The following AGAP1 variants were observed in gnomAD, a reference collection of about 807,000 sequenced individuals.
The protein encoded by AGAP1 is ArfGAP with GTPase domain, ankyrin repeat and PH domain 1, also known as arf-GAP with GTPase, ANK repeat and PH domain-containing protein 1.
Under a neutral mutation model 105.3 loss-of-function variants are expected in AGAP1, and 29 were observed. That is an observed-to-expected ratio of 0.28 (90% CI 0.21 to 0.38). The LOEUF is 0.38. Ranked by LOEUF, AGAP1 falls within the 10% of genes least tolerant of loss-of-function variation. The pLI is 1.00. For missense variants in AGAP1, 998 were observed against 1,165.1 expected (o/e 0.86, Z 2.09); for synonymous variants, 509 against 485.9 (o/e 1.05, Z -0.63).
intron 6 of AGAP1, among the ~76,000 whole-genome samples, chr2:235,784,005 GATAGATAT>G (rs1489473381): frequency 6.6e-6 from 1 of 152,092 alleles, no homozygotes; most frequent in South Asian, 2.1e-4. Flanking sequence ...TGGATGGGTG[GATAGATAT>G]ATAATAAAGC....
chr2:235,741,144 C>A lies in AGAP1; in HGVS notation c.396+96C>A. On this transcript the variant is annotated intron_variant, in intron 4 of 17. Transcript: ENST00000304032. This position sits in a 1 kb window ranked among gnomAD's most constrained non-coding sequence, Gnocchi z 4.9. ...TTCTAGAAATCGGTGACTTGGTTTC[C>A]AAAAAAGTGGAAACCCCATAAAAAA... is the stretch of plus-strand genomic sequence containing the variant. The A allele has an allele frequency of 1.9e-6, 2 of 1,050,812 alleles. No individual in the cohort carries two copies. Among genetic ancestry groups the A allele is most frequent in the African/African-American group, 1.6e-5 (1 of 62,382 alleles). 65.1% of individuals were successfully genotyped at this position (1,050,812 alleles called of 1,614,324 possible). A position where few individuals can be genotyped will look rare whatever the true frequency, so the allele number is the denominator to read the frequency against.
rs1956791444 is a variant in AGAP1 at position 235,788,641 on chromosome 2, T to G, written c.674-9118T>G. ...GCACATCCCGGTGCTTGGAACTGAC[T>G]GGTGGGCGTCCTGTTGGTGCATGGG... On this transcript the variant is annotated intron_variant, in intron 6 of 17. Coordinates refer to ENST00000304032, the MANE Select transcript of AGAP1 (RefSeq NM_001037131.3). The surrounding 1 kb of genome is among the most constrained non-coding windows in gnomAD (Gnocchi z 6.0). 6.6e-6 allele frequency among the ~76,000 whole-genome samples: 1 copy of G among 152,018 alleles called. No homozygotes were observed. Among genetic ancestry groups the G allele is most frequent in the Non-Finnish European group, 1.5e-5 (1 of 67,974 alleles).
At chr2:235,694,998 G>A (rs903104630) in intron 1 of AGAP1, among the ~76,000 whole-genome samples, 2 of 152,218 alleles carry the variant, frequency 1.3e-5, no homozygotes, top group Non-Finnish European at 2.9e-5. Context: ...GTTGGAGAAT[G>A]TAAGTATTTA....
intron 10 of AGAP1, among the ~76,000 whole-genome samples, chr2:235,899,406 G>A (rs1053902003): frequency 6.6e-5 from 10 of 152,172 alleles, no homozygotes; most frequent in Non-Finnish European, 1.5e-4. Flanking sequence ...CCAGCTACTT[G>A]GGAGGCTGAG....
chr2:236,004,179 G>C (rs1011810611), intron 13 of AGAP1, among the ~76,000 whole-genome samples: 7 of 152,136 alleles, frequency 4.6e-5, no homozygotes, highest in Admixed American at 3.9e-4. Context: ...CCTGACTGTG[G>C]CAGTTGGGGG....
Position 236,129,768 on chromosome 2 carries a change from G to C in AGAP1, c.*5646G>C, listed in dbSNP as rs2060058627. The C allele has an allele frequency of 6.6e-6, 1 of 152,190 alleles. No homozygotes were observed. Among genetic ancestry groups the C allele is most frequent in the Non-Finnish European group, 1.5e-5 (1 of 68,050 alleles). 9.4% of individuals were successfully genotyped at this position (152,190 alleles called of 1,614,324 possible). A position where few individuals can be genotyped will look rare whatever the true frequency, so the allele number is the denominator to read the frequency against. ...TCGCGTCACATGTCCGCATTGGCAG[G>C]TGATTCTGGAAAGGGATTCTGGGAA... On this transcript the variant is annotated 3_prime_UTR_variant, in exon 18 of 18. Transcript: ENST00000304032. The surrounding 1 kb of genome is among the most constrained non-coding windows in gnomAD (Gnocchi z 6.2).
chr2:235,533,384 G>C (rs1485952879), intron 1 of AGAP1, among the ~76,000 whole-genome samples: 1 of 152,178 alleles, frequency 6.6e-6, no homozygotes, highest in Non-Finnish European at 1.5e-5. Context: ...AATTTTTCTG[G>C]ATCAGACAAG....
intron 1 of AGAP1, among the ~76,000 whole-genome samples, chr2:235,499,336 G>A (rs1941464322): frequency 6.6e-6 from 1 of 152,208 alleles, no homozygotes; most frequent in Non-Finnish European, 1.5e-5. Flanking sequence ...ACTTCCAGAA[G>A]CATTTGTTTT....
Position 235,769,355 on chromosome 2 carries a change from T to C in AGAP1, c.673+18867T>C, listed in dbSNP as rs1469739462. 6.6e-6 allele frequency among the ~76,000 whole-genome samples: 1 copy of C among 152,214 alleles called. No homozygotes were observed. The highest frequency in any genetic ancestry group is 1.5e-5 in the Non-Finnish European group (1 of 68,040). ...CTCTTTCTGCTTTGAGTTTTCTTTT[T>C]CCTCCAGTGGCAAGGTTTGCGTGGT... On this transcript the variant is annotated intron_variant, in intron 6 of 17. Coordinates refer to ENST00000304032, the MANE Select transcript of AGAP1 (RefSeq NM_001037131.3). This position sits in a 1 kb window ranked among gnomAD's most constrained non-coding sequence, Gnocchi z 4.4.
chr2:235,560,624 T>C (rs929862160), intron 1 of AGAP1, among the ~76,000 whole-genome samples: 4 of 152,064 alleles, frequency 2.6e-5, no homozygotes, highest in Non-Finnish European at 4.4e-5. Flanking sequence ...ACTGTTGGCT[T>C]TGATGATGGA....
rs571485016 is a variant in AGAP1 at position 235,967,888 on chromosome 2, C to T, written c.1484-574C>T. 2.0e-5 allele frequency among the ~76,000 whole-genome samples: 3 copies of T among 152,232 alleles called. No homozygotes were observed. The highest frequency in any genetic ancestry group is 6.5e-5 in the Admixed American group (1 of 15,296). On this transcript the variant is annotated intron_variant, in intron 12 of 17. Transcript: ENST00000304032. The surrounding 1 kb of genome is among the most constrained non-coding windows in gnomAD (Gnocchi z 4.7). ...TCAAAAATTGGCAGGCCTACTATATCGACTTCCAAACACTGTCACTGGACA... is the reference window on the plus strand; with the variant it reads ...TCAAAAATTGGCAGGCCTACTATATTGACTTCCAAACACTGTCACTGGACA...
chr2:235,494,613 C>G lies in AGAP1; in HGVS notation c.-74C>G. 2 of 837,486 alleles carry G rather than the reference C, an allele frequency of 2.4e-6. No homozygotes were observed. The highest frequency in any genetic ancestry group is 1.4e-6 in the Non-Finnish European group (1 of 702,276). The allele number at this position is 837,486 out of a possible 1,614,324, so 51.9% of individuals were successfully genotyped here. ...CCCGGGGGCTGCGGCGCCCCGGGCT[C>G]GGCGGCCCGCGGGCCCCGGGGCGCG... On this transcript the variant is annotated 5_prime_UTR_variant, in exon 1 of 18. Coordinates refer to ENST00000304032, the MANE Select transcript of AGAP1 (RefSeq NM_001037131.3).
At position 235,662,609 on chromosome 2, in the gene AGAP1, C is replaced by G. The variant is rs757998681; in HGVS notation, c.164-46570C>G. Among the ~76,000 whole-genome samples, 1 of 150,830 alleles carries G rather than the reference C, an allele frequency of 6.6e-6. No homozygotes were observed. The highest frequency in any genetic ancestry group is 2.4e-5 in the African/African-American group (1 of 40,970). ...GCAACCTCTGCCTCCTGGGTTCAAG[C>G]GATTTTTCTGCCTCAGCCTCCCAAG... is the stretch of plus-strand genomic sequence containing the variant. On this transcript the variant is annotated intron_variant, in intron 1 of 17. Coordinates refer to ENST00000304032, the MANE Select transcript of AGAP1 (RefSeq NM_001037131.3). This position sits in a 1 kb window ranked among gnomAD's most constrained non-coding sequence, Gnocchi z 4.2.
At chr2:235,641,645 C>T (rs552255711) in intron 1 of AGAP1, among the ~76,000 whole-genome samples, 1 of 152,224 alleles carries the variant, frequency 6.6e-6, no homozygotes, top group African/African-American at 2.4e-5. Flanking sequence ...CTTTCCCCCC[C>T]ACATACGTTC....
chr2:235,496,637 G>C (rs184994660), intron 1 of AGAP1, among the ~76,000 whole-genome samples: 261 of 152,284 alleles, frequency 1.7e-3, no homozygotes, highest in Non-Finnish European at 3.2e-3. Context: ...TGGCTGAGTG[G>C]GGTTCACAAC....
At chr2:235,804,062 C>G (rs1047631688) in intron 8 of AGAP1, among the ~76,000 whole-genome samples, 1 of 152,204 alleles carries the variant, frequency 6.6e-6, no homozygotes, top group African/African-American at 2.4e-5. Context: ...AAGCCCTTTT[C>G]TGCTACGCTG....
chr2:235,815,957 G>C (rs561073746), intron 9 of AGAP1, among the ~76,000 whole-genome samples: 42 of 152,324 alleles, frequency 2.8e-4, no homozygotes, highest in African/African-American at 9.4e-4. Flanking sequence ...TGCGGAGGCA[G>C]CTCCTCAGGG....
chr2:235,841,624 C>A (rs112879481), intron 9 of AGAP1, among the ~76,000 whole-genome samples: 8 of 152,204 alleles, frequency 5.3e-5, no homozygotes, highest in African/African-American at 1.9e-4. Flanking sequence ...GAGAGCAAGA[C>A]CATGTCTGAA....
chr2:235,568,097 C>A lies in AGAP1; in HGVS notation c.163+73248C>A, dbSNP rs188698191. On this transcript the variant is annotated intron_variant, in intron 1 of 17. Transcript: ENST00000304032. ...GACTCAGTGGGGATTCCCACACTGA[C>A]CTCGTGATGTCTCTAGTGCCCTCAG... Among the ~76,000 whole-genome samples, 1,144 of 152,208 alleles carry A rather than the reference C, an allele frequency of 7.5e-3. 7 individuals carry two copies. Among genetic ancestry groups the A allele is most frequent in the Non-Finnish European group, 0.013 (903 of 67,994 alleles).
Sources: allele counts gnomAD v4.1 joint callset (sites outside exome capture counted in the v4.1 genomes callset), GRCh38; gene constraint gnomAD v4.1.1; non-coding constraint Gnocchi (gnomAD v3.1); transcripts MANE v1.5; gene names NCBI Gene and HGNC (gene_info 2026-07-23, HGNC 2026-07-21).